Variants in HSD17B11 observed in about 807,000 individuals in gnomAD.
HSD17B11 encodes the protein hydroxysteroid 17-beta dehydrogenase 11, also known as estradiol 17-beta-dehydrogenase 11.
HSD17B11 carries 22 observed loss-of-function variants against 27.8 expected under a neutral mutation model. The ratio of observed to expected loss-of-function variants is 0.79; its 90% CI spans 0.56 to 1.13. The LOEUF is 1.13. Ranked by LOEUF, HSD17B11 falls within the 50% of genes most tolerant of loss-of-function variation. HSD17B11 has a pLI of 0.00. For missense variants in HSD17B11, 314 were observed against 351.1 expected, an observed-to-expected ratio of 0.89 and a Z score of 0.84; for synonymous variants, 117 against 132.8, an observed-to-expected ratio of 0.88 and a Z score of 0.82.
Position 87,382,337 on chromosome 4 carries a change from T to C in HSD17B11, c.236A>G (p.Lys79Arg). The C allele has an allele frequency of 6.2e-7, 1 of 1,613,792 alleles. No homozygotes were observed. The highest frequency in any genetic ancestry group is 8.5e-7 in the Non-Finnish European group (1 of 1,179,740). Residue 79 changes from lysine (K) to arginine (R), a missense_variant, in exon 2 of 7, where the codon AAA becomes AGA. Lys to Arg is a conservative substitution (Grantham distance 26). Coordinates refer to ENST00000358290, the MANE Select transcript of HSD17B11 (RefSeq NM_016245.5). ...NKHGLEETAA[K>R]CKGLGAKVHT... ...AACCTTGGCACCCAGTCCCTTGCAT[T>C]TGGCAGCTGTTTCCTCCAGTCCATG... is the stretch of plus-strand genomic sequence containing the variant.
rs150061729 is a variant in HSD17B11, at chr4:87,369,729, C to A, written c.557+2980G>T. 4.5e-3 allele frequency among the ~76,000 whole-genome samples: 682 copies of A among 152,272 alleles called. 9 individuals are homozygous for A. Among genetic ancestry groups the A allele is most frequent in the African/African-American group, 0.016 (661 of 41,552 alleles). ...GGGATTACAGGTGTCAGCCACCATG[C>A]CTGGCCCCAGATTTTTCTTTTAAAT... On this transcript the variant is annotated intron_variant, in intron 4 of 6. Transcript: ENST00000358290.
intron 6 of HSD17B11, among the ~76,000 whole-genome samples, chr4:87,339,665 A>G (rs1735127745): frequency 6.6e-6 from 1 of 152,182 alleles, no homozygotes; most frequent in South Asian, 2.1e-4. Flanking sequence ...CAGATGAGGA[A>G]TGAAGCAGTG....
In HSD17B11 at chr4:87,344,567, T is replaced by C. The variant is rs1735232441; in HGVS notation, c.696-3961A>G. Among the ~76,000 whole-genome samples, 3 of 152,210 alleles carry C rather than the reference T, an allele frequency of 2.0e-5. No individual in the cohort carries two copies. The South Asian group carries it at 6.2e-4, about 32-fold the overall frequency. On this transcript the variant is annotated intron_variant, in intron 5 of 6. Coordinates refer to ENST00000358290, the MANE Select transcript of HSD17B11 (RefSeq NM_016245.5). The stretch of plus-strand genomic sequence containing the variant: ...TCAACAATAATAGCCGGGGACTTTA[T>C]TTTCCACTTTCAACAACATATTGAA...
At chr4:87,387,611 A>C (rs1720353852) in intron 1 of HSD17B11, among the ~76,000 whole-genome samples, 1 of 152,210 alleles carries the variant, frequency 6.6e-6, no homozygotes, top group Non-Finnish European at 1.5e-5. Context: ...CGGCAAGAAA[A>C]ATAGAGTGGG....
At chr4:87,341,835 C>G (rs1735176165) in intron 5 of HSD17B11, among the ~76,000 whole-genome samples, 1 of 151,954 alleles carries the variant, frequency 6.6e-6, no homozygotes, top group South Asian at 2.1e-4. Context: ...CACTGCATTC[C>G]AGCCTGGACA....
At chr4:87,365,494 T>G (rs1735598268) in intron 4 of HSD17B11, among the ~76,000 whole-genome samples, 1 of 152,230 alleles carries the variant, frequency 6.6e-6, no homozygotes, top group African/African-American at 2.4e-5. Context: ...TCTATTTACC[T>G]ACTTTAAAGC....
chr4:87,347,103 A>AT (rs763068482), intron 5 of HSD17B11, among the ~76,000 whole-genome samples: 29,104 of 62,828 alleles, frequency 0.46, 7,873 homozygotes, highest in Non-Finnish European at 0.51. Flanking sequence ...AGTATTCTGG[A>AT]TTTTTTTTTT....
Position 87,353,084 on chromosome 4 carries a change from G to A in HSD17B11, c.695+4195C>T, listed in dbSNP as rs1410282482. Among the ~76,000 whole-genome samples, 5 of 103,490 alleles carry A rather than the reference G, an allele frequency of 4.8e-5. 1 individual carries two copies. The highest frequency in any genetic ancestry group is 2.5e-4 in the South Asian group (1 of 3,980). The allele number at this position is 103,490 out of a possible 152,430, so 67.9% of individuals were successfully genotyped here. On this transcript the variant is annotated intron_variant, in intron 5 of 6. Transcript: ENST00000358290. ...AAATGCAGAAATCACCGTCTTCTGC[G>A]TCGCTCACGCTGGGAGCTGTAGACC...
chr4:87,378,937 T>A lies in HSD17B11; in HGVS notation c.318+3318A>T, dbSNP rs1335184268. On this transcript the variant is annotated intron_variant, in intron 2 of 6. Transcript: ENST00000358290. ...ATATATAAATATATATAAATATATA[T>A]ATATATATATTTATATATATATATT... 3.7e-4 allele frequency among the ~76,000 whole-genome samples: 9 copies of A among 24,066 alleles called. 1 individual carries two copies. The highest frequency in any genetic ancestry group is 2.6e-3 in the African/African-American group (9 of 3,398). The allele number at this position is 24,066 out of a possible 152,430, so 15.8% of individuals were successfully genotyped here. A position where few individuals can be genotyped will look rare whatever the true frequency, so the allele number is the denominator to read the frequency against.
At chr4:87,342,218 A>G (rs940517884) in intron 5 of HSD17B11, among the ~76,000 whole-genome samples, 8 of 152,012 alleles carry the variant, frequency 5.3e-5, no homozygotes, top group Non-Finnish European at 8.8e-5. Flanking sequence ...CCCCATCTCT[A>G]CTAAAAATAC....
chr4:87,390,211 A>G (rs888249028), intron 1 of HSD17B11, among the ~76,000 whole-genome samples: 1 of 152,338 alleles, frequency 6.6e-6, no homozygotes, highest in Non-Finnish European at 1.5e-5. Flanking sequence ...GCTGAAGTGC[A>G]GTGGCGCCAT....
rs754548702 is a variant in HSD17B11, at chr4:87,357,343, C to A, written c.631G>T (p.Val211Phe). 5.6e-6 allele frequency: 9 copies of A among 1,613,578 alleles called. No homozygotes were observed. The highest frequency in any genetic ancestry group is 3.3e-4 in the Middle Eastern group (2 of 6,062). ...DELAALQITGVKTTCLCPNFV... is the reference protein window; with the variant it reads ...DELAALQITGFKTTCLCPNFV... ...TTAGGACACAGACATGTTGTTTTGA[C>A]TCCAGTTATTTGTAAGGCAGCCAGT... Residue 211 changes from valine (V) to phenylalanine (F), a missense_variant, in exon 5 of 7, where the codon GTC becomes TTC. Val to Phe is a conservative substitution (Grantham distance 50). Coordinates refer to ENST00000358290, the MANE Select transcript of HSD17B11 (RefSeq NM_016245.5).
At chr4:87,358,735 T>C (rs997059020) in intron 4 of HSD17B11, among the ~76,000 whole-genome samples, 3 of 152,148 alleles carry the variant, frequency 2.0e-5, no homozygotes, top group Non-Finnish European at 4.4e-5. Flanking sequence ...AGCTATACAT[T>C]CTGGCCAGTT....
At chr4:87,378,942 AT>A (rs1720045074) in intron 2 of HSD17B11, among the ~76,000 whole-genome samples, 1 of 19,224 alleles carries the variant, frequency 5.2e-5, no homozygotes. Flanking sequence ...ATATATATAT[AT>A]ATATTTATAT....
intron 2 of HSD17B11, among the ~76,000 whole-genome samples, chr4:87,378,894 A>T (rs1412912077): frequency 1.6e-4 from 2 of 12,174 alleles, no homozygotes; most frequent in African/African-American, 6.9e-4. Context: ...ATATATATAT[A>T]AATATATATA....
At chr4:87,362,977 G>A (rs192220184) in intron 4 of HSD17B11, among the ~76,000 whole-genome samples, 228 of 152,228 alleles carry the variant, frequency 1.5e-3, no homozygotes, top group African/African-American at 5.3e-3. Context: ...GAGACCACAT[G>A]TTGAAATTCC....
At chr4:87,356,845 A>C (rs943137335) in intron 5 of HSD17B11, among the ~76,000 whole-genome samples, 1 of 152,154 alleles carries the variant, frequency 6.6e-6, no homozygotes, top group Non-Finnish European at 1.5e-5. Flanking sequence ...GTCTTGGGTT[A>C]TCTCTATCAG....
chr4:87,389,149 C>A (rs1343623111), intron 1 of HSD17B11, among the ~76,000 whole-genome samples: 1 of 152,192 alleles, frequency 6.6e-6, no homozygotes, highest in Non-Finnish European at 1.5e-5. Flanking sequence ...CTTGACCATG[C>A]TGGTCCAGGC....
At chr4:87,355,134 G>C (rs1358008106) in intron 5 of HSD17B11, among the ~76,000 whole-genome samples, 1 of 151,740 alleles carries the variant, frequency 6.6e-6, no homozygotes, top group Non-Finnish European at 1.5e-5. Flanking sequence ...AAGCAAAATT[G>C]AATCTCATCA....
Sources: allele counts gnomAD v4.1 joint callset (sites outside exome capture counted in the v4.1 genomes callset), GRCh38; gene constraint gnomAD v4.1.1; transcripts MANE v1.5; gene names NCBI Gene and HGNC (gene_info 2026-07-23, HGNC 2026-07-21).